Variants in RFX7 observed in about 807,000 individuals in gnomAD.
RFX7 encodes DNA-binding protein RFX7.
RFX7 carries 26 observed loss-of-function variants against 111.8 expected under a neutral mutation model. The observed-to-expected ratio is 0.23, with a 90% CI of 0.17 to 0.32. The LOEUF is 0.32. Ranked by LOEUF, RFX7 falls within the 10% of genes least tolerant of loss-of-function variation. The probability of loss-of-function intolerance (pLI) is 1.00; values close to 1 mark genes in which losing one functional copy is unlikely to be tolerated. For synonymous variants in RFX7, 624 were observed against 624.4 expected (o/e 1.00, Z 0.01); for missense variants, 1,573 against 1,772.9 (o/e 0.89, Z 2.02).
chr15:56,135,272 A>T (rs1225931106), intron 5 of RFX7, among the ~76,000 whole-genome samples: 14 of 151,398 alleles, frequency 9.2e-5, no homozygotes, highest in African/African-American at 3.1e-4. Context: ...CCTCTCCAGC[A>T]CCTGTTGTTT....
In RFX7 at chr15:56,101,356, T is replaced by A; in HGVS notation, c.811+3A>T. ...TTTTAGCTTGTTCACAGTAATGTTG[T>A]ACCTGCTGGTGCTGCTGCCATTACA... On this transcript the variant is annotated splice_donor_region_variant and intron_variant, in intron 8 of 9. Transcript: ENST00000559447. 6.3e-7 allele frequency: 1 copy of A among 1,576,486 alleles called. No homozygotes were observed. Among genetic ancestry groups the A allele is most frequent in the East Asian group, 2.3e-5 (1 of 43,344 alleles).
At chr15:56,137,412 T>C (rs1219026785) in intron 5 of RFX7, among the ~76,000 whole-genome samples, 1 of 152,228 alleles carries the variant, frequency 6.6e-6, no homozygotes, top group African/African-American at 2.4e-5. Context: ...TAGAGGTGTT[T>C]GTAGTATTCT....
intron 9 of RFX7, 135 bp from the exon 10 acceptor site, chr15:56,096,755 T>A: frequency 1.1e-6 from 1 of 880,620 alleles, no homozygotes. Flanking sequence ...TAGAAGAGAG[T>A]TCTTCTAGAC....
At position 56,190,295 on chromosome 15, in the gene RFX7, A is replaced by G. The variant is rs2043087134; in HGVS notation, c.162-10992T>C. ...CACTGCTGGGAGTGCAGTGCAGTGC[A>G]GCACAAAGCCATGGGTGTCTGTCAG... On this transcript the variant is annotated intron_variant, in intron 2 of 9. Coordinates refer to ENST00000559447, the MANE Select transcript of RFX7 (RefSeq NM_022841.7). 3.3e-5 allele frequency among the ~76,000 whole-genome samples: 5 copies of G among 152,200 alleles called. No homozygotes were observed. The South Asian group carries it at 1.0e-3, about 31-fold the overall frequency.
chr15:56,164,365 G>A (rs151144302), intron 3 of RFX7, among the ~76,000 whole-genome samples: 77 of 152,282 alleles, frequency 5.1e-4, no homozygotes, highest in African/African-American at 1.8e-3. Context: ...GACCACACCT[G>A]TTTGTTATTA....
intron 3 of RFX7, among the ~76,000 whole-genome samples, chr15:56,174,201 T>G (rs1311100123): frequency 6.6e-6 from 1 of 151,264 alleles, no homozygotes; most frequent in Non-Finnish European, 1.5e-5. Context: ...TCACTTGAAT[T>G]CAAGAGGCGG....
Position 56,144,416 on chromosome 15 carries a change from C to A in RFX7, c.263G>T (p.Ser88Ile). The change falls in exon 4 of 10, where the codon AGC becomes ATC. Residue 88 changes from serine (S) to isoleucine (I), a missense_variant. By Grantham distance (142) the Ser-to-Ile change is moderately radical. Coordinates refer to ENST00000559447, the MANE Select transcript of RFX7 (RefSeq NM_022841.7). Reference sequence around the variant, plus strand: ...ATAGATATACCTTTTCTCTCCATTGCTGAGACCAGAAGGCAGCTGAAGGTA... The same window carrying A: ...ATAGATATACCTTTTCTCTCCATTGATGAGACCAGAAGGCAGCTGAAGGTA... ...YLYLQLPSGL[S>I]NGEKSDQNAM... 7.3e-7 allele frequency: 1 copy of A among 1,363,474 alleles called. No individual in the cohort carries two copies. Among genetic ancestry groups the A allele is most frequent in the Non-Finnish European group, 9.8e-7 (1 of 1,018,232 alleles). The allele number at this position is 1,363,474 out of a possible 1,614,324, so 84.5% of individuals were successfully genotyped here.
Position 56,136,946 on chromosome 15 carries a change from C to G in RFX7, c.401+5832G>C, listed in dbSNP as rs1315263779. On this transcript the variant is annotated intron_variant, in intron 5 of 9. Coordinates refer to ENST00000559447, the MANE Select transcript of RFX7 (RefSeq NM_022841.7). ...ATTGATTTGTGTATATTGAACCAGC[C>G]TTGCATCCCAGGGATGAAGCCCACT... is the stretch of plus-strand genomic sequence containing the variant. 4.0e-5 allele frequency among the ~76,000 whole-genome samples: 6 copies of G among 149,468 alleles called. No homozygotes were observed. The Admixed American group carries it at 4.0e-4, about 10-fold the overall frequency.
intron 2 of RFX7, among the ~76,000 whole-genome samples, chr15:56,229,512 G>A (rs1429254363): frequency 1.3e-5 from 2 of 152,160 alleles, no homozygotes; most frequent in Non-Finnish European, 2.9e-5. Flanking sequence ...TGATCCGCCT[G>A]TCTTGGCCTC....
chr15:56,236,710 T>C (rs1397804124), intron 2 of RFX7, among the ~76,000 whole-genome samples: 1 of 152,206 alleles, frequency 6.6e-6, no homozygotes, highest in African/African-American at 2.4e-5. Flanking sequence ...ATCTACAATA[T>C]GACATTCACT....
At chr15:56,176,790 T>C (rs572475191) in intron 3 of RFX7, among the ~76,000 whole-genome samples, 1 of 152,094 alleles carries the variant, frequency 6.6e-6, no homozygotes, top group East Asian at 1.9e-4. Context: ...ATGCCTTAAA[T>C]CCATCTACTT....
chr15:56,164,224 G>A (rs1173334577), intron 3 of RFX7, among the ~76,000 whole-genome samples: 2 of 152,194 alleles, frequency 1.3e-5, no homozygotes, highest in South Asian at 2.1e-4. Context: ...TAGAACATCA[G>A]TGTGGGCCAA....
chr15:56,134,608 T>TA (rs2042266944), intron 5 of RFX7, among the ~76,000 whole-genome samples: 1 of 89,990 alleles, frequency 1.1e-5, no homozygotes. Context: ...TTTTTTTTTT[T>TA]TTTTACTTTC....
In RFX7 at chr15:56,144,495, G is replaced by A; in HGVS notation, c.196-12C>T. On this transcript the variant is annotated splice_polypyrimidine_tract_variant and intron_variant, in intron 3 of 9. Coordinates refer to ENST00000559447, the MANE Select transcript of RFX7 (RefSeq NM_022841.7). ...TTCTCAACTTCTTGCTATTTACAAA[G>A]GATTAAAAAGAAAGATCATTTTTAA... is the stretch of plus-strand genomic sequence containing the variant. 7.5e-7 allele frequency: 1 copy of A among 1,328,890 alleles called. No individual in the cohort carries two copies. The highest frequency in any genetic ancestry group is 1.0e-6 in the Non-Finnish European group (1 of 991,624). The allele number at this position is 1,328,890 out of a possible 1,614,324, so 82.3% of individuals were successfully genotyped here.
intron 2 of RFX7, among the ~76,000 whole-genome samples, chr15:56,196,511 C>A (rs1303265370): frequency 2.6e-5 from 4 of 151,798 alleles, no homozygotes; most frequent in Admixed American, 2.6e-4. Context: ...TCTAGTTTAC[C>A]CATTTTAACT....
chr15:56,109,516 GA>G (rs1244806306), intron 5 of RFX7, among the ~76,000 whole-genome samples: 1 of 151,836 alleles, frequency 6.6e-6, no homozygotes, highest in Non-Finnish European at 1.5e-5. Flanking sequence ...CATCGTCTGG[GA>G]TGTGAGGAGC....
intron 2 of RFX7, among the ~76,000 whole-genome samples, chr15:56,240,914 T>C (rs2141247692): frequency 6.6e-6 from 1 of 152,264 alleles, no homozygotes; most frequent in East Asian, 1.9e-4. Flanking sequence ...GTTTTCACTT[T>C]TGATATCTTT....
Position 56,207,289 on chromosome 15 carries a change from G to A in RFX7, c.162-27986C>T, listed in dbSNP as rs139938753. 7.3e-3 allele frequency among the ~76,000 whole-genome samples: 1,114 copies of A among 152,128 alleles called. 21 individuals are homozygous for A. The highest frequency in any genetic ancestry group is 0.026 in the African/African-American group (1,061 of 41,470). ...GACTAGAAGGAGGAGGAAATGGGGG[G>A]GTATTGTTTAATGGGTACAGAGTTT... On this transcript the variant is annotated intron_variant, in intron 2 of 9. Coordinates refer to ENST00000559447, the MANE Select transcript of RFX7 (RefSeq NM_022841.7).
chr15:56,166,852 C>A (rs1161166565), intron 3 of RFX7, among the ~76,000 whole-genome samples: 1 of 152,124 alleles, frequency 6.6e-6, no homozygotes, highest in Non-Finnish European at 1.5e-5. Context: ...CTCCTGAGCT[C>A]AAGTAATCCA....
Sources: allele counts gnomAD v4.1 joint callset (sites outside exome capture counted in the v4.1 genomes callset), GRCh38; gene constraint gnomAD v4.1.1; transcripts MANE v1.5; gene names NCBI Gene and HGNC (gene_info 2026-07-23, HGNC 2026-07-21).